Variants in NAV3 observed in about 807,000 individuals in gnomAD.
The protein encoded by NAV3 is neuron navigator 3.
In NAV3, 87 loss-of-function variants were observed where a neutral mutation model predicts 244.7. The ratio of observed to expected loss-of-function variants is 0.36; its 90% CI spans 0.30 to 0.42. The LOEUF is 0.42. Among genes scored for constraint, NAV3 ranks in the 20% least tolerant of loss-of-function variants. NAV3 has a pLI of 1.00. For synonymous variants in NAV3, 1,126 were observed against 1,042.2 expected, an observed-to-expected ratio of 1.08 and a Z score of -1.55; for missense variants, 2,663 against 2,893.3, an observed-to-expected ratio of 0.92 and a Z score of 1.83.
intron 2 of NAV3, among the ~76,000 whole-genome samples, chr12:77,812,753 C>G (rs796860611): frequency 8.5e-5 from 13 of 152,196 alleles, no homozygotes; most frequent in African/African-American, 3.1e-4. Flanking sequence ...AATGTGATAA[C>G]AGTCACACTT....
intron 12 of NAV3, among the ~76,000 whole-genome samples, chr12:78,069,470 G>A (rs181482677): frequency 6.6e-6 from 1 of 151,830 alleles, no homozygotes; most frequent in East Asian, 1.9e-4. Context: ...TATTTACATA[G>A]TTTGGTTACA....
intron 2 of NAV3, among the ~76,000 whole-genome samples, chr12:77,691,916 T>C (rs903141861): frequency 6.6e-6 from 1 of 152,070 alleles, no homozygotes; most frequent in East Asian, 1.9e-4. Flanking sequence ...CTATGTTATA[T>C]AGGAATTATA....
rs768286049 is a variant in NAV3, at chr12:78,119,363, T to A, written c.3167T>A (p.Ile1056Asn). Residue 1056 changes from isoleucine (I) to asparagine (N), a missense_variant, in exon 15 of 40, where the codon ATT becomes AAT. Physicochemically the swap from Ile to Asn is moderately radical, Grantham distance 149. Transcript: ENST00000397909. Reference sequence around the variant, plus strand: ...GAAGGGAAAAAGCCCCCCTCAGGCATTGGAAGATCGACTGCCACCAGCTCC... The same window carrying A: ...GAAGGGAAAAAGCCCCCCTCAGGCAATGGAAGATCGACTGCCACCAGCTCC... ...GDEGKKPPSG[I>N]GRSTATSSFG... The A allele has an allele frequency of 6.2e-7, 1 of 1,614,112 alleles. No homozygotes were observed. The highest frequency in any genetic ancestry group is 8.5e-7 in the Non-Finnish European group (1 of 1,180,020).
At chr12:77,838,883 A>G (rs1393733272) in intron 1 of NAV3, among the ~76,000 whole-genome samples, 1 of 152,206 alleles carries the variant, frequency 6.6e-6, no homozygotes, top group Non-Finnish European at 1.5e-5. Flanking sequence ...ATGAAATGAA[A>G]TGAGGATAAT....
chr12:78,192,138 A>G (rs1311013218), intron 34 of NAV3, among the ~76,000 whole-genome samples: 3 of 139,438 alleles, frequency 2.2e-5, no homozygotes, highest in Non-Finnish European at 4.5e-5. Context: ...ATTTCAGCTT[A>G]GGAAAAAAAG....
In NAV3 at chr12:78,024,706, G is replaced by A. The variant is rs567733912; in HGVS notation, c.2023+2844G>A. Among the ~76,000 whole-genome samples the A allele has an allele frequency of 2.5e-4, 38 of 152,144 alleles. 1 individual carries two copies. The highest frequency in any genetic ancestry group is 6.3e-4 in the African/African-American group (26 of 41,520). ...AAAACACAACTTCCTGGCCGGGTGCGGTGTCTCACACCTGTAATCCCAGCA... is the reference window on the plus strand; with the variant it reads ...AAAACACAACTTCCTGGCCGGGTGCAGTGTCTCACACCTGTAATCCCAGCA... On this transcript the variant is annotated intron_variant, in intron 9 of 39. Coordinates refer to ENST00000397909, the MANE Select transcript of NAV3 (RefSeq NM_001024383.2).
chr12:78,177,463 C>A, intron 27 of NAV3, 150 bp downstream of exon 27: 1 of 1,150,870 alleles, frequency 8.7e-7, no homozygotes, highest in Non-Finnish European at 1.2e-6. Context: ...TCATATTTCT[C>A]TTTCACTGGT....
chr12:77,696,561 T>C (rs1240576050), intron 2 of NAV3, among the ~76,000 whole-genome samples: 1 of 152,160 alleles, frequency 6.6e-6, no homozygotes, highest in East Asian at 1.9e-4. Context: ...TGAGGTTCAT[T>C]TGGGCCTGGT....
intron 17 of NAV3, 97 bp downstream of exon 17, chr12:78,127,305 A>G (rs1955954284): frequency 5.7e-6 from 7 of 1,230,150 alleles, no homozygotes; most frequent in African/African-American, 1.5e-5. Context: ...AATGTAGCAC[A>G]TGACATTGAG....
In NAV3 at chr12:77,886,295, G is replaced by C. The variant is rs536063022; in HGVS notation, c.244-54024G>C. 2.6e-5 allele frequency among the ~76,000 whole-genome samples: 4 copies of C among 152,218 alleles called. No homozygotes were observed. In the East Asian group the frequency reaches 7.7e-4, roughly 29 times the overall value. On this transcript the variant is annotated intron_variant, in intron 1 of 39. Coordinates refer to ENST00000397909, the MANE Select transcript of NAV3 (RefSeq NM_001024383.2). ...TCAAGGGCTTCTCTTTATACAGCCTGCTGTTTAGTGGTTAAATTATTTCCC... is the reference window on the plus strand; with the variant it reads ...TCAAGGGCTTCTCTTTATACAGCCTCCTGTTTAGTGGTTAAATTATTTCCC...
At chr12:77,634,411 T>C (rs1228102869) in intron 2 of NAV3, among the ~76,000 whole-genome samples, 1 of 152,238 alleles carries the variant, frequency 6.6e-6, no homozygotes, top group African/African-American at 2.4e-5. Flanking sequence ...TATTTTGAAG[T>C]AGCCTATGTA....
At chr12:77,647,742 CA>C (rs1872664875) in intron 2 of NAV3, among the ~76,000 whole-genome samples, 1 of 151,920 alleles carries the variant, frequency 6.6e-6, no homozygotes, top group Non-Finnish European at 1.5e-5. Flanking sequence ...ATAGATGTAC[CA>C]TTTTTTCCCA....
At chr12:77,727,630 G>A (rs1329299738) in intron 2 of NAV3, among the ~76,000 whole-genome samples, 1 of 152,076 alleles carries the variant, frequency 6.6e-6, no homozygotes, top group East Asian at 1.9e-4. Flanking sequence ...GTTCAGTAGA[G>A]TTTAGAAGTG....
intron 18 of NAV3, chr12:78,130,433 G>T: frequency 4.6e-6 from 1 of 218,906 alleles, no homozygotes; most frequent in East Asian, 1.1e-4. Context: ...TGCATGCTCG[G>T]GAATCCCCTG....
chr12:77,757,897 C>T (rs754640427), intron 2 of NAV3, among the ~76,000 whole-genome samples: 2 of 152,186 alleles, frequency 1.3e-5, no homozygotes, highest in Non-Finnish European at 2.9e-5. Flanking sequence ...TCACTTCCAT[C>T]AGAACCTTCT....
chr12:77,911,606 A>T (rs1248068349), intron 1 of NAV3, among the ~76,000 whole-genome samples: 1 of 152,072 alleles, frequency 6.6e-6, no homozygotes, highest in Non-Finnish European at 1.5e-5. Context: ...TGCTTCTTTA[A>T]TTTTTTAACT....
chr12:77,652,753 TA>T (rs1872884515), intron 2 of NAV3, among the ~76,000 whole-genome samples: 2 of 152,214 alleles, frequency 1.3e-5, no homozygotes, highest in South Asian at 4.1e-4. Context: ...TAATGATTTT[TA>T]AAATTATAGA....
chr12:78,061,447 T>C (rs1300000451), intron 12 of NAV3, among the ~76,000 whole-genome samples: 1 of 152,152 alleles, frequency 6.6e-6, no homozygotes, highest in Non-Finnish European at 1.5e-5. Flanking sequence ...TTCAGCTTGG[T>C]AGATGCAGTT....
intron 12 of NAV3, among the ~76,000 whole-genome samples, chr12:78,082,583 C>T (rs776184968): frequency 1.3e-5 from 2 of 149,644 alleles, no homozygotes; most frequent in African/African-American, 2.5e-5. Flanking sequence ...GTGATATAGC[C>T]CCCCCCACCA....
Sources: gnomAD v4.1 joint callset for allele counts (sites outside exome capture counted in the v4.1 genomes callset) on GRCh38, gnomAD v4.1.1 for gene constraint, MANE v1.5 for transcripts, NCBI Gene and HGNC (gene_info 2026-07-23, HGNC 2026-07-21) for gene names.